Variants in TRHDE observed in about 807,000 individuals in gnomAD.
TRHDE encodes the protein thyrotropin releasing hormone degrading enzyme, also known as thyrotropin-releasing hormone-degrading ectoenzyme.
In TRHDE, 72 loss-of-function variants were observed where a neutral mutation model predicts 125.7. The observed-to-expected ratio is 0.57, with a 90% CI of 0.47 to 0.70. The LOEUF (loss-of-function observed/expected upper bound fraction) is 0.70, where lower values mean the gene tolerates loss of function less well. Ranked by LOEUF, TRHDE falls within the 30% of genes least tolerant of loss-of-function variation. The pLI is 0.00. For missense variants in TRHDE, 1,110 were observed against 1,327.1 expected (o/e 0.84, Z 2.54); for synonymous variants, 509 against 509.1 (o/e 1.00, Z 0.00).
intron 2 of TRHDE, chr12:72,254,551 C>T (rs1878762714): frequency 6.6e-6 from 1 of 152,172 alleles, no homozygotes; most frequent in African/African-American, 2.4e-5. Flanking sequence ...ATATCCTTTT[C>T]CTTTTTTCTT....
intron 4 of TRHDE, 144 bp from the exon 5 acceptor site, chr12:72,472,923 G>A: frequency 1.5e-6 from 1 of 660,046 alleles, no homozygotes; most frequent in South Asian, 2.0e-5. Flanking sequence ...ATACAGTTTT[G>A]CCACAACACA....
chr12:72,654,141 A>G (rs367022), intron 17 of TRHDE, among the ~76,000 whole-genome samples: 1 of 152,192 alleles, frequency 6.6e-6, no homozygotes, highest in African/African-American at 2.4e-5. Context: ...AAATTAATGT[A>G]TACAAACATT....
intron 2 of TRHDE, among the ~76,000 whole-genome samples, chr12:72,371,804 G>T (rs1383270330): frequency 6.6e-6 from 1 of 152,076 alleles, no homozygotes; most frequent in Admixed American, 6.6e-5. Context: ...TTGGACATTT[G>T]GGTTGGTTCC....
At position 72,135,718 on chromosome 12, in the gene TRHDE, G is replaced by A. The variant is rs1010027212; in HGVS notation, n.279+29966G>A. Among the ~76,000 whole-genome samples the A allele has an allele frequency of 1.1e-4, 17 of 152,196 alleles. 1 individual carries two copies. Among genetic ancestry groups the A allele is most frequent in the East Asian group, 1.9e-4 (1 of 5,182 alleles). ...ATGAGTAGTGTTCTCTAGACTTACC[G>A]CTGAACTCTGAGATTAAGTTTGTTC... On this transcript the variant is annotated intron_variant and non_coding_transcript_variant, in intron 2 of 4. Coordinates refer to the TRHDE transcript ENST00000548156.
chr12:72,580,234 G>A (rs1429216906), intron 12 of TRHDE, among the ~76,000 whole-genome samples: 1 of 152,110 alleles, frequency 6.6e-6, no homozygotes, highest in East Asian at 1.9e-4. Context: ...ATGTACACGG[G>A]TTCTGGTAAT....
At chr12:72,512,398 T>A (rs1276528840) in intron 6 of TRHDE, among the ~76,000 whole-genome samples, 1 of 139,040 alleles carries the variant, frequency 7.2e-6, no homozygotes, top group African/African-American at 2.7e-5. Context: ...ATATAATTAT[T>A]ATTATATAAT....
Position 72,562,942 on chromosome 12 carries a change from G to A in TRHDE, c.1944G>A (p.Leu648=), listed in dbSNP as rs1870251995. The A allele has an allele frequency of 6.2e-7, 1 of 1,610,406 alleles. No individual in the cohort carries two copies. The highest frequency in any genetic ancestry group is 8.5e-7 in the Non-Finnish European group (1 of 1,178,076). Residue 648 remains leucine, a synonymous_variant, in exon 9 of 19, where the codon TTG becomes TTA. Coordinates refer to ENST00000261180, the MANE Select transcript of TRHDE (RefSeq NM_013381.3). ...LQMGYPVITI[L]GNTTAENRII... is the part of the protein sequence containing the mutation. ...TGGGTTATCCTGTTATCACCATCTT[G>A]GGAAACACAACAGCAGAAAATAGAA...
At chr12:72,278,156 AC>A (rs773079700) in intron 1 of TRHDE, among the ~76,000 whole-genome samples, 6 of 152,080 alleles carry the variant, frequency 3.9e-5, no homozygotes, top group Non-Finnish European at 5.9e-5. Flanking sequence ...AGTGAGGTCA[AC>A]TTTTTTAGTT....
chr12:72,158,308 T>C (rs1014463681), intron 2 of TRHDE, among the ~76,000 whole-genome samples: 2 of 151,850 alleles, frequency 1.3e-5, no homozygotes, highest in Non-Finnish European at 2.9e-5. Context: ...TTGTACCCCG[T>C]GAATCTAAAA....
chr12:72,231,816 A>G (rs1878252022), intron 2 of TRHDE, among the ~76,000 whole-genome samples: 1 of 152,120 alleles, frequency 6.6e-6, no homozygotes, highest in African/African-American at 2.4e-5. Context: ...AGTGATGACA[A>G]GGGGTGATGG....
intron 2 of TRHDE, among the ~76,000 whole-genome samples, chr12:72,184,036 C>A (rs532285512): frequency 6.6e-6 from 1 of 151,998 alleles, no homozygotes; most frequent in African/African-American, 2.4e-5. Context: ...AGGAACCACC[C>A]AAGGGTACAT....
At chr12:72,400,255 G>T (rs1367839241) in intron 3 of TRHDE, among the ~76,000 whole-genome samples, 1 of 152,082 alleles carries the variant, frequency 6.6e-6, no homozygotes, top group Non-Finnish European at 1.5e-5. Flanking sequence ...ATTTTATACA[G>T]TGTTCAAGTT....
intron 7 of TRHDE, among the ~76,000 whole-genome samples, chr12:72,542,845 TG>T (rs1365505451): frequency 6.6e-6 from 1 of 151,356 alleles, no homozygotes; most frequent in Non-Finnish European, 1.5e-5. Context: ...TTAGAAAATA[TG>T]TTTTTCTTAA....
chr12:72,397,229 C>G (rs1475211277), intron 3 of TRHDE, among the ~76,000 whole-genome samples: 1 of 152,170 alleles, frequency 6.6e-6, no homozygotes, highest in Non-Finnish European at 1.5e-5. Flanking sequence ...AATCTATCAG[C>G]AAATCCTACA....
chr12:72,653,850 C>G (rs985126620), intron 17 of TRHDE, among the ~76,000 whole-genome samples: 1 of 152,092 alleles, frequency 6.6e-6, no homozygotes, highest in South Asian at 2.1e-4. Flanking sequence ...TGTTCCCAGA[C>G]AGTAAGCAGA....
intron 15 of TRHDE, among the ~76,000 whole-genome samples, 180 bp from the exon 16 acceptor site, chr12:72,652,142 C>A (rs1874531486): frequency 6.6e-6 from 1 of 151,972 alleles, no homozygotes; most frequent in Non-Finnish European, 1.5e-5. Context: ...TTATTTTATT[C>A]ATCCAGTGAG....
intron 3 of TRHDE, among the ~76,000 whole-genome samples, chr12:72,411,551 T>C (rs1388091637): frequency 6.6e-6 from 1 of 152,056 alleles, no homozygotes; most frequent in African/African-American, 2.4e-5. Context: ...AAATTTCAGT[T>C]CTATCTCAGT....
chr12:72,352,490 A>G (rs1002917901), intron 2 of TRHDE, among the ~76,000 whole-genome samples: 1 of 151,818 alleles, frequency 6.6e-6, no homozygotes, highest in Non-Finnish European at 1.5e-5. Context: ...TTTATATGAA[A>G]TATACTTTTT....
intron 1 of TRHDE, among the ~76,000 whole-genome samples, chr12:72,102,956 G>A (rs1029255556): frequency 6.6e-6 from 1 of 152,204 alleles, no homozygotes; most frequent in Non-Finnish European, 1.5e-5. Flanking sequence ...ACTAGGCTTG[G>A]CCATTTTGGC....
Sources: gnomAD v4.1 joint callset for allele counts (sites outside exome capture counted in the v4.1 genomes callset) on GRCh38, gnomAD v4.1.1 for gene constraint, MANE v1.5 for transcripts, NCBI Gene and HGNC (gene_info 2026-07-23, HGNC 2026-07-21) for gene names.